The following FBXL2 variants were observed in gnomAD, a reference collection of about 807,000 sequenced individuals.
FBXL2 encodes the protein F-box/LRR-repeat protein 2.
A neutral mutation model predicts 69.2 loss-of-function variants in FBXL2; 38 were observed. The observed-to-expected ratio is 0.55, with a 90% CI of 0.42 to 0.72. FBXL2 has a LOEUF of 0.72. FBXL2 is among the 30% of genes least tolerant of loss of function. The probability of loss-of-function intolerance (pLI) is 0.00; values close to 1 mark genes in which losing one functional copy is unlikely to be tolerated. For synonymous variants in FBXL2, 192 were observed against 201.3 expected, an observed-to-expected ratio of 0.95 and a Z score of 0.39; for missense variants, 354 against 520.3, an observed-to-expected ratio of 0.68 and a Z score of 3.11.
At chr3:33,405,492 C>G (rs528924253), downstream of FBXL2, among the ~76,000 whole-genome samples, 14 of 152,324 alleles carry the variant, frequency 9.2e-5, no homozygotes, top group African/African-American at 3.4e-4. Context: ...TGAAAACTTT[C>G]AGATGTCAAT....
intron 2 of FBXL2, among the ~76,000 whole-genome samples, chr3:33,311,422 C>T (rs957634351): frequency 6.6e-6 from 1 of 152,108 alleles, no homozygotes. Context: ...GTATATATTA[C>T]TTCACTTGTT....
chr3:33,377,213 T>A, intron 10 of FBXL2, 60 bp from the exon 11 acceptor site: 2 of 1,472,738 alleles, frequency 1.4e-6, no homozygotes, highest in South Asian at 2.3e-5. Context: ...TCATAAAATA[T>A]GTGTTTCCAT....
chr3:33,304,334 A>G (rs966023969), intron 2 of FBXL2, among the ~76,000 whole-genome samples: 2 of 152,012 alleles, frequency 1.3e-5, no homozygotes, highest in African/African-American at 4.8e-5. Flanking sequence ...GCTTCTTAAA[A>G]CTTTTTATCT....
chr3:33,411,735 TAAAA>T, the FBXL2 span: 1 of 1,459,958 alleles, frequency 6.8e-7, no homozygotes, highest in Non-Finnish European at 9.6e-7. Context: ...TTAAATAACT[TAAAA>T]AACTTACAAC....
intron 2 of FBXL2, among the ~76,000 whole-genome samples, chr3:33,310,301 G>C (rs886761879): frequency 6.6e-6 from 1 of 151,634 alleles, no homozygotes; most frequent in African/African-American, 2.4e-5. Context: ...ACAGGCTCAC[G>C]CCACCACGCC....
chr3:33,311,694 G>T (rs971499701), intron 2 of FBXL2, among the ~76,000 whole-genome samples: 2 of 151,660 alleles, frequency 1.3e-5, no homozygotes, highest in Admixed American at 1.3e-4. Flanking sequence ...CCACTATTTC[G>T]GCTCACTGCA....
rs145178254 is a variant in FBXL2 at position 33,306,440 on chromosome 3, G to A, written c.65+8715G>A. ...GAAGGAACCACTATCTTGACTTATAGCTATCACTATGTTTCATTTCTTTGT... is the reference window on the plus strand; with the variant it reads ...GAAGGAACCACTATCTTGACTTATAACTATCACTATGTTTCATTTCTTTGT... On this transcript the variant is annotated intron_variant, in intron 2 of 14. Coordinates refer to ENST00000484457, the MANE Select transcript of FBXL2 (RefSeq NM_012157.5). Among the ~76,000 whole-genome samples the A allele has an allele frequency of 3.9e-5, 6 of 152,146 alleles. No individual in the cohort carries two copies. The East Asian group carries it at 1.2e-3, about 29-fold the overall frequency.
intron 9 of FBXL2, among the ~76,000 whole-genome samples, chr3:33,374,537 A>G (rs1052145086): frequency 1.3e-5 from 2 of 152,216 alleles, no homozygotes; most frequent in African/African-American, 4.8e-5. Flanking sequence ...TTAAATGAAT[A>G]TATTATAAAT....
At chr3:33,330,344 G>A (rs972778559) in intron 2 of FBXL2, among the ~76,000 whole-genome samples, 1 of 152,000 alleles carries the variant, frequency 6.6e-6, no homozygotes, top group Non-Finnish European at 1.5e-5. Flanking sequence ...AACAGTGGCT[G>A]GGAAGGGTAC....
rs757235280 is a variant in FBXL2 at position 33,303,184 on chromosome 3, A to G, written c.65+5459A>G. 25 of 456,360 alleles carry G rather than the reference A, an allele frequency of 5.5e-5. 1 individual carries two copies. The highest frequency in any genetic ancestry group is 4.0e-4 in the African/African-American group (20 of 50,078). 28.3% of individuals were successfully genotyped at this position (456,360 alleles called of 1,614,324 possible). ...AGGTAAGATGCTCTTTTGGGGGTAC[A>G]TGCTTCAATTTCAAATTTAAGCATC... On this transcript the variant is annotated intron_variant, in intron 2 of 14. Coordinates refer to ENST00000484457, the MANE Select transcript of FBXL2 (RefSeq NM_012157.5).
chr3:33,397,188 G>A, intron 12 of FBXL2: 1 of 1,366,270 alleles, frequency 7.3e-7, no homozygotes, highest in Non-Finnish European at 1.0e-6. Context: ...GAACAGAACT[G>A]CTTTACAGGC....
chr3:33,302,397 T>C (rs9855396), intron 2 of FBXL2, among the ~76,000 whole-genome samples: 3,355 of 152,282 alleles, frequency 0.022, 122 homozygotes, highest in African/African-American at 0.076. Context: ...TGGAGGGAAC[T>C]CTTCCCTTTT....
intron 12 of FBXL2, chr3:33,396,054 G>T: frequency 3.0e-6 from 3 of 991,950 alleles, no homozygotes; most frequent in Non-Finnish European, 4.3e-6. Context: ...TGAGCAACTT[G>T]GCATTCCTAA....
chr3:33,353,115 C>T (rs2040947396), intron 2 of FBXL2, among the ~76,000 whole-genome samples: 1 of 152,102 alleles, frequency 6.6e-6, no homozygotes, highest in South Asian at 2.1e-4. Flanking sequence ...GGGTAAATCT[C>T]AAAAATCTAA....
intron 14 of FBXL2, 56 bp from the exon 15 acceptor site, chr3:33,385,445 T>C: frequency 7.0e-7 from 1 of 1,421,882 alleles, no homozygotes; most frequent in East Asian, 2.3e-5. Flanking sequence ...GAATTATGAC[T>C]ATAATCCTAA....
upstream of FBXL2, chr3:33,277,432 C>T: frequency 8.0e-7 from 1 of 1,245,234 alleles, no homozygotes; most frequent in South Asian, 3.6e-5. Context: ...GGGCGGGGCG[C>T]CTGGCTGGCG....
rs796290310 is a variant in FBXL2, at chr3:33,381,624, CA to C, written c.952-2356del. ...GGGCAACAAGAGTGAAACTCCATCT[CA>C]AAAAAAAATAAATAAAAATTTAAAA... On this transcript the variant is annotated intron_variant, in intron 13 of 14. Transcript: ENST00000484457. Among the ~76,000 whole-genome samples, 862 of 141,838 alleles carry C rather than the reference CA, an allele frequency of 6.1e-3. 8 individuals carry two copies. The highest frequency in any genetic ancestry group is 0.021 in the African/African-American group (800 of 38,084). The allele number at this position is 141,838 out of a possible 152,430, so 93.1% of individuals were successfully genotyped here. A position where few individuals can be genotyped will look rare whatever the true frequency, so the allele number is the denominator to read the frequency against.
chr3:33,380,363 C>A (rs1162349769), intron 13 of FBXL2, among the ~76,000 whole-genome samples: 2 of 151,808 alleles, frequency 1.3e-5, no homozygotes, highest in Non-Finnish European at 2.9e-5. Context: ...TCGAGACCAG[C>A]CTAACCAACA....
chr3:33,289,673 T>G (rs1245591840), intron 1 of FBXL2: 1 of 810,998 alleles, frequency 1.2e-6, no homozygotes, highest in African/African-American at 1.9e-5. Context: ...CCTGAGGAGT[T>G]CCAGCTACAG....
Sources: allele counts gnomAD v4.1 joint callset (sites outside exome capture counted in the v4.1 genomes callset), GRCh38; gene constraint gnomAD v4.1.1; transcripts MANE v1.5; gene names NCBI Gene and HGNC (gene_info 2026-07-23, HGNC 2026-07-21).